FLI1: variants seen among roughly 807,000 people sequenced by gnomAD.
FLI1 encodes Friend leukemia integration 1 transcription factor.
FLI1 carries 13 observed loss-of-function variants against 53.1 expected under a neutral mutation model. That is an observed-to-expected ratio of 0.24 (90% confidence interval 0.16 to 0.39). FLI1 has a LOEUF of 0.39. Among genes scored for constraint, FLI1 ranks in the 10% least tolerant of loss-of-function variants. FLI1 has a pLI of 1.00. For missense variants in FLI1, 424 were observed against 600.5 expected (o/e 0.71, Z 3.07); for synonymous variants, 244 against 236.7 (o/e 1.03, Z -0.28).
At chr11:128,725,385 G>A (rs985064504) in intron 1 of FLI1, among the ~76,000 whole-genome samples, 9 of 152,104 alleles carry the variant, frequency 5.9e-5, no homozygotes, top group East Asian at 3.8e-4. Context: ...GCGGCCGGCC[G>A]GTCCACTTCA....
intron 2 of FLI1, among the ~76,000 whole-genome samples, chr11:128,760,320 G>GT (rs1185220156): frequency 7.9e-5 from 12 of 152,096 alleles, no homozygotes; most frequent in Admixed American, 7.9e-4. Context: ...GAACCCAGGC[G>GT]TTTGGTTCCA....
At chr11:128,776,286 C>G (rs12419791) in intron 4 of FLI1, among the ~76,000 whole-genome samples, 1 of 151,972 alleles carries the variant, frequency 6.6e-6, no homozygotes, top group Admixed American at 6.6e-5. Context: ...GCCCACCCCT[C>G]CCCCCCACCA....
In FLI1 at chr11:128,686,702, G is replaced by T; in HGVS notation, c.-203+1G>T. 2.9e-6 allele frequency: 1 copy of T among 341,976 alleles called. No individual in the cohort carries two copies. The highest frequency in any genetic ancestry group is 5.9e-6 in the Non-Finnish European group (1 of 169,982). 21.2% of individuals were successfully genotyped at this position (341,976 alleles called of 1,614,324 possible). ...CCCCGACACGTCGTCTTACATCAAG[G>T]TAAGACATGGCAGCGTCTTTAAACA... On this transcript the variant is annotated splice_donor_variant, in intron 1 of 6. Coordinates refer to the FLI1 transcript ENST00000344954. LOFTEE classifies it low-confidence loss of function (5UTR_SPLICE).
intron 1 of FLI1, among the ~76,000 whole-genome samples, chr11:128,724,475 C>A (rs1939390078): frequency 6.6e-6 from 1 of 152,180 alleles, no homozygotes; most frequent in Non-Finnish European, 1.5e-5. Flanking sequence ...AAAATCAGTG[C>A]AGGTTTCCAG....
chr11:128,715,348 C>T lies in FLI1; in HGVS notation c.18+21072C>T, dbSNP rs141282715. ...CACATGCCTCCACCCCTTTTCCTAA[C>T]GTATTGCTTGCCTGTTGTTTAAAGA... On this transcript the variant is annotated intron_variant, in intron 1 of 8. Coordinates refer to ENST00000527786, the MANE Select transcript of FLI1 (RefSeq NM_002017.5). 2.5e-3 allele frequency among the ~76,000 whole-genome samples: 387 copies of T among 152,282 alleles called. 3 individuals are homozygous for T. The highest frequency in any genetic ancestry group is 8.8e-3 in the African/African-American group (364 of 41,556).
rs542842246 is a variant in FLI1, at chr11:128,694,128, G to T, written c.-131G>T. On this transcript the variant is annotated 5_prime_UTR_variant, in exon 1 of 9. Coordinates refer to ENST00000527786, the MANE Select transcript of FLI1 (RefSeq NM_002017.5). ...ACAGGGGAGTGAGGGCAGGGCGCTC[G>T]CAGGGGGCACGCAGGGAGGGCCCAG... is the stretch of plus-strand genomic sequence containing the variant. 7 of 930,044 alleles carry T rather than the reference G, an allele frequency of 7.5e-6. No homozygotes were observed. The highest frequency in any genetic ancestry group is 4.9e-4 in the Middle Eastern group (2 of 4,068). 57.6% of individuals were successfully genotyped at this position (930,044 alleles called of 1,614,324 possible). A position where few individuals can be genotyped will look rare whatever the true frequency, so the allele number is the denominator to read the frequency against.
chr11:128,800,303 T>G (rs535558497), intron 5 of FLI1, among the ~76,000 whole-genome samples: 1 of 152,200 alleles, frequency 6.6e-6, no homozygotes, highest in South Asian at 2.1e-4. Flanking sequence ...CAATGAGAAG[T>G]TTCAGGGAAA....
upstream of FLI1, among the ~76,000 whole-genome samples, chr11:128,690,257 C>A (rs140164992): frequency 4.6e-5 from 7 of 152,236 alleles, no homozygotes; most frequent in Admixed American, 4.6e-4. Context: ...TCCTCCTCCC[C>A]CTTTGCCAGC....
At chr11:128,698,790 C>T (rs1938199566) in intron 1 of FLI1, among the ~76,000 whole-genome samples, 1 of 151,588 alleles carries the variant, frequency 6.6e-6, no homozygotes, top group African/African-American at 2.4e-5. Context: ...GAATTTGGCA[C>T]TTTACACTAA....
chr11:128,707,989 T>C (rs948423850), intron 1 of FLI1, among the ~76,000 whole-genome samples: 1 of 152,246 alleles, frequency 6.6e-6, no homozygotes, highest in Non-Finnish European at 1.5e-5. Context: ...GACATTTGCA[T>C]GCTTAACTGT....
chr11:128,763,915 A>G (rs1941227811), intron 2 of FLI1, among the ~76,000 whole-genome samples: 1 of 152,254 alleles, frequency 6.6e-6, no homozygotes, highest in Non-Finnish European at 1.5e-5. Context: ...CAAAAAAGTC[A>G]CATCTATGTC....
At chr11:128,694,650 CG>C (rs76070459) in intron 1 of FLI1, among the ~76,000 whole-genome samples, 152,166 of 152,166 alleles carry the variant, frequency 1, 76,083 homozygotes, top group Non-Finnish European at 1. Context: ...CCGGGGCTCC[CG>C]TGGCCCCAGC....
At chr11:128,695,515 C>T (rs1938031372) in intron 1 of FLI1, among the ~76,000 whole-genome samples, 1 of 152,184 alleles carries the variant, frequency 6.6e-6, no homozygotes, top group Admixed American at 6.5e-5. Context: ...AGATGTTGGG[C>T]TCAGAGAATT....
intron 5 of FLI1, among the ~76,000 whole-genome samples, chr11:128,784,877 GTC>G (rs1024319020): frequency 6.6e-5 from 10 of 152,164 alleles, no homozygotes; most frequent in African/African-American, 2.4e-4. Context: ...GTGTGTGTGT[GTC>G]TGTGTGTGAG....
At chr11:128,719,938 A>G (rs1939187585) in intron 1 of FLI1, among the ~76,000 whole-genome samples, 1 of 152,060 alleles carries the variant, frequency 6.6e-6, no homozygotes, top group Admixed American at 6.6e-5. Context: ...TTTTTTTAAA[A>G]CTCATTACGT....
intron 1 of FLI1, among the ~76,000 whole-genome samples, chr11:128,752,849 T>G (rs1940708838): frequency 6.6e-6 from 1 of 152,232 alleles, no homozygotes; most frequent in African/African-American, 2.4e-5. Context: ...TATTATATCA[T>G]GTACTAAAGG....
intron 2 of FLI1, among the ~76,000 whole-genome samples, chr11:128,763,839 A>G (rs1053392836): frequency 1.3e-5 from 2 of 152,244 alleles, no homozygotes; most frequent in Non-Finnish European, 2.9e-5. Context: ...CGGTGGCTTT[A>G]TCATAAGTGA....
intron 6 of FLI1, chr11:128,806,830 C>T (rs1433521264): frequency 1.1e-5 from 2 of 174,942 alleles, no homozygotes; most frequent in African/African-American, 4.7e-5. Flanking sequence ...TCCACAGCCT[C>T]AGTACCATCA....
intron 1 of FLI1, among the ~76,000 whole-genome samples, chr11:128,696,747 G>A (rs1006277976): frequency 6.6e-6 from 1 of 152,140 alleles, no homozygotes; most frequent in African/African-American, 2.4e-5. Flanking sequence ...GAAAAATCAG[G>A]TTTGAGTGAT....
Sources: allele counts gnomAD v4.1 joint callset (sites outside exome capture counted in the v4.1 genomes callset), GRCh38; gene constraint gnomAD v4.1.1; transcripts MANE v1.5; gene names NCBI Gene and HGNC (gene_info 2026-07-23, HGNC 2026-07-21).